Variants in CLEC18B observed in about 807,000 individuals in gnomAD.
The protein encoded by CLEC18B is mannose receptor-like 2.
A neutral mutation model predicts 60.4 loss-of-function variants in CLEC18B; 5 were observed. The observed-to-expected ratio is 0.08, with a 90% CI of 0.04 to 0.17. CLEC18B has a LOEUF of 0.17. CLEC18B is among the 10% of genes least tolerant of loss of function. The pLI, the probability that CLEC18B is intolerant of heterozygous loss-of-function variation, is 1.00. For synonymous variants in CLEC18B, 16 were observed against 221.2 expected (o/e 0.07, Z 8.23); for missense variants, 26 against 572.8 (o/e 0.05, Z 9.74).
At chr16:74,419,265 C>T (rs1225844549) in intron 2 of CLEC18B, among the ~76,000 whole-genome samples, 2 of 152,232 alleles carry the variant, frequency 1.3e-5, no homozygotes, top group Non-Finnish European at 2.9e-5. Context: ...CCCCTCGGGG[C>T]TGCACCCCAA....
At chr16:74,413,932 G>T (rs1228474499) in intron 3 of CLEC18B, among the ~76,000 whole-genome samples, 2 of 152,274 alleles carry the variant, frequency 1.3e-5, no homozygotes, top group Non-Finnish European at 2.9e-5. Context: ...GAGTGCAATG[G>T]CCTGATCTTG....
Position 74,421,391 on chromosome 16 carries a change from A to T in CLEC18B, c.-121T>A. On this transcript the variant is annotated 5_prime_UTR_variant, in exon 1 of 12. Transcript: ENST00000682950. ...GTCAGGCTGGGCTGGTGGACAAAAGAGGGGGGCTGGTGAACAAAAGAAGGA... is the reference window on the plus strand; with the variant it reads ...GTCAGGCTGGGCTGGTGGACAAAAGTGGGGGGCTGGTGAACAAAAGAAGGA... The T allele has an allele frequency of 6.2e-7, 1 of 1,602,874 alleles. No homozygotes were observed. The highest frequency in any genetic ancestry group is 8.5e-7 in the Non-Finnish European group (1 of 1,174,842).
chr16:74,423,578 A>G (rs1360003798), upstream of CLEC18B, among the ~76,000 whole-genome samples: 3 of 152,198 alleles, frequency 2.0e-5, no homozygotes, highest in African/African-American at 7.2e-5. Context: ...AGTCCCAGCT[A>G]CTCGGTAGGC....
intron 4 of CLEC18B, 88 bp from the exon 5 acceptor site, chr16:74,413,246 C>T (rs2013264759): frequency 6.2e-7 from 1 of 1,611,774 alleles, no homozygotes; most frequent in Non-Finnish European, 8.5e-7. Context: ...CCTCCCTGGC[C>T]CCTTCAGCTC....
upstream of CLEC18B, chr16:74,422,181 T>TG (rs2013713538): frequency 6.6e-6 from 1 of 151,962 alleles, no homozygotes; most frequent in Non-Finnish European, 1.5e-5. Context: ...GGCCCGGCCG[T>TG]GGCTGGCGTG....
rs1321867285 is a variant in CLEC18B at position 74,410,626 on chromosome 16, GT to G, written c.1120del (p.Thr374ProfsTer76). On this transcript the variant is annotated frameshift_variant, in exon 10 of 12. Transcript: ENST00000682950. LOFTEE classifies it high-confidence loss of function. The part of the protein sequence containing the change: ...FETRNFWIGL[T>X]YKTAKDSFRW... The stretch of plus-strand genomic sequence containing the variant: ...GAAGGAGTCCTTGGCGGTCTTGTAG[GT>G]GAGCCCTGGGCCGGGGTAGTCAAGG... The G allele has an allele frequency of 6.2e-7, 1 of 1,609,212 alleles. No individual in the cohort carries two copies. The highest frequency in any genetic ancestry group is 1.3e-5 in the African/African-American group (1 of 74,804).
intron 2 of CLEC18B, among the ~76,000 whole-genome samples, chr16:74,420,024 G>A (rs1190502020): frequency 6.6e-6 from 1 of 152,282 alleles, no homozygotes; most frequent in Non-Finnish European, 1.5e-5. Flanking sequence ...GAGTGAGTGA[G>A]CAGAGAACAT....
Position 74,420,601 on chromosome 16 carries a change from G to C in CLEC18B, c.125-9C>G. On this transcript the variant is annotated splice_polypyrimidine_tract_variant and intron_variant, in intron 1 of 11. Transcript: ENST00000682950. The stretch of plus-strand genomic sequence containing the variant: ...CTCCTTCCTGTTCAGGGCTGGGGTG[G>C]GGAGAGAAGGTCAGGCAGCCCGAGG... The C allele has an allele frequency of 8.8e-7, 1 of 1,140,422 alleles. No homozygotes were observed. The highest frequency in any genetic ancestry group is 1.6e-5 in the South Asian group (1 of 61,006). 70.6% of individuals were successfully genotyped at this position (1,140,422 alleles called of 1,614,324 possible).
chr16:74,419,008 T>C (rs2013551378), intron 2 of CLEC18B, among the ~76,000 whole-genome samples: 1 of 152,262 alleles, frequency 6.6e-6, no homozygotes, highest in African/African-American at 2.4e-5. Context: ...TGGCCATTGC[T>C]GGTGTCAAAC....
chr16:74,419,929 CCCAA>C (rs2013601391), intron 2 of CLEC18B, among the ~76,000 whole-genome samples: 2 of 152,198 alleles, frequency 1.3e-5, no homozygotes, highest in Non-Finnish European at 2.9e-5. Flanking sequence ...AGATGACAGT[CCCAA>C]CCCCGCAGCC....
upstream of CLEC18B, among the ~76,000 whole-genome samples, chr16:74,423,631 G>T (rs1219110318): frequency 6.6e-6 from 1 of 152,078 alleles, no homozygotes; most frequent in Non-Finnish European, 1.5e-5. Flanking sequence ...GGAGGTTGCA[G>T]TGAAGCAAGA....
Position 74,421,438 on chromosome 16 carries a change from T to C in CLEC18B, c.-168A>G. On this transcript the variant is annotated 5_prime_UTR_variant, in exon 1 of 12. Transcript: ENST00000682950. Reference sequence around the variant, plus strand: ...AGGAGGCTGGTGAGTGAGTAATCAGTGTGTCCAGACAGCCTCCTGTTGGCG... The same window carrying C: ...AGGAGGCTGGTGAGTGAGTAATCAGCGTGTCCAGACAGCCTCCTGTTGGCG... 6.8e-7 allele frequency: 1 copy of C among 1,468,660 alleles called. No individual in the cohort carries two copies. Among genetic ancestry groups the C allele is most frequent in the Non-Finnish European group, 9.2e-7 (1 of 1,091,960 alleles). The allele number at this position is 1,468,660 out of a possible 1,614,324, so 91.0% of individuals were successfully genotyped here. A position where few individuals can be genotyped will look rare whatever the true frequency, so the allele number is the denominator to read the frequency against.
chr16:74,417,854 G>A (rs1183848522), intron 3 of CLEC18B, among the ~76,000 whole-genome samples: 1 of 152,188 alleles, frequency 6.6e-6, no homozygotes, highest in African/African-American at 2.4e-5. Flanking sequence ...GGAGGCGGAG[G>A]TTGCAGTGAG....
chr16:74,413,815 G>C (rs1370358300), intron 3 of CLEC18B, 139 bp from the exon 4 acceptor site: 1 of 1,412,808 alleles, frequency 7.1e-7, no homozygotes, highest in African/African-American at 1.4e-5. Flanking sequence ...TCCTGGGCAG[G>C]GGTAGAAGCA....
At chr16:74,423,484 C>A (rs1162983561), upstream of CLEC18B, among the ~76,000 whole-genome samples, 1 of 152,296 alleles carries the variant, frequency 6.6e-6, no homozygotes, top group Non-Finnish European at 1.5e-5. Flanking sequence ...AGGTCAGGAG[C>A]TTGAGACCAG....
At chr16:74,422,421 T>C (rs1263553436), upstream of CLEC18B, 2 of 151,588 alleles carry the variant, frequency 1.3e-5, no homozygotes, top group Non-Finnish European at 2.9e-5. Context: ...TCCAACTCCG[T>C]GGAAGCTCTG....
chr16:74,422,871 T>G (rs1393127156), upstream of CLEC18B, among the ~76,000 whole-genome samples: 1 of 149,460 alleles, frequency 6.7e-6, no homozygotes, highest in African/African-American at 2.4e-5. Context: ...TTCATCGTCT[T>G]GCCCAGGCTG....
intron 11 of CLEC18B, 38 bp downstream of exon 11, chr16:74,409,512 C>G: frequency 6.8e-7 from 1 of 1,468,024 alleles, no homozygotes; most frequent in Non-Finnish European, 9.4e-7. Context: ...CTCCCAGGGT[C>G]AGGGATCAGA....
chr16:74,413,849 C>CTTTTTTTT (rs10676553), intron 3 of CLEC18B, among the ~76,000 whole-genome samples, 173 bp from the exon 4 acceptor site: 3 of 149,468 alleles, frequency 2.0e-5, no homozygotes, highest in African/African-American at 4.9e-5. Context: ...TTCAGGAAGG[C>CTTTTTTTT]TTATTTATTT....
Sources: allele counts gnomAD v4.1 joint callset (sites outside exome capture counted in the v4.1 genomes callset), GRCh38; gene constraint gnomAD v4.1.1; transcripts MANE v1.5; gene names NCBI Gene and HGNC (gene_info 2026-07-23, HGNC 2026-07-21).